STAB2: variants seen among roughly 807,000 people sequenced by gnomAD.
STAB2 encodes the protein stabilin-2.
STAB2 carries 288 observed loss-of-function variants against 338.1 expected under a neutral mutation model. That is an observed-to-expected ratio of 0.85 (90% CI 0.77 to 0.94). The LOEUF is 0.94. STAB2 is among the 40% of genes least tolerant of loss of function. The pLI, the probability that STAB2 is intolerant of heterozygous loss-of-function variation, is 0.00. For synonymous variants in STAB2, 1,202 were observed against 1,193.3 expected, an observed-to-expected ratio of 1.01 and a Z score of -0.15; for missense variants, 3,141 against 3,210.1, an observed-to-expected ratio of 0.98 and a Z score of 0.52.
intron 33 of STAB2, among the ~76,000 whole-genome samples, chr12:103,698,038 A>G (rs1327303629): frequency 6.6e-6 from 1 of 152,168 alleles, no homozygotes; most frequent in South Asian, 2.1e-4. Flanking sequence ...GAAACTGCCA[A>G]CCAGATTCAG....
intron 42 of STAB2, 128 bp downstream of exon 42, chr12:103,713,896 G>A: frequency 1.4e-6 from 2 of 1,461,134 alleles, no homozygotes; most frequent in Non-Finnish European, 1.8e-6. Flanking sequence ...GCCAGGGCAG[G>A]AAAGTATAAG....
chr12:103,625,013 G>A (rs1009935722), intron 5 of STAB2, among the ~76,000 whole-genome samples: 5 of 150,912 alleles, frequency 3.3e-5, no homozygotes, highest in Middle Eastern at 3.6e-3. Context: ...TTAAAGGACA[G>A]CAACTAAAAT....
rs1879406218 is a variant in STAB2, at chr12:103,706,849, G to A, written c.4054G>A (p.Ala1352Thr). Residue 1352 changes from alanine (A) to threonine (T), a missense_variant, in exon 38 of 69, where the codon GCC becomes ACC. Coordinates refer to ENST00000388887, the MANE Select transcript of STAB2 (RefSeq NM_017564.10). ...CCAATGCCAGCCCTGCCCAGGGAAT[G>A]CCCAGAATGTCTGCTTTGGTAATGG... ...GPQCQPCPGN[A>T]QNVCFGNGIC... The A allele has an allele frequency of 6.2e-7, 1 of 1,614,258 alleles. No homozygotes were observed. Among genetic ancestry groups the A allele is most frequent in the Non-Finnish European group, 8.5e-7 (1 of 1,180,044 alleles).
At position 103,753,313 on chromosome 12, in the gene STAB2, C is replaced by A. The variant is rs201865716; in HGVS notation, c.6674C>A (p.Ala2225Glu). Residue 2225 changes from alanine to glutamate, a missense_variant, in exon 61 of 69, where the codon GCG (alanine) becomes GAG (glutamate). Coordinates refer to ENST00000388887, the MANE Select transcript of STAB2 (RefSeq NM_017564.10). ...KAREACANEA[A>E]TMATYNQLSY... Reference sequence around the variant, plus strand: ...AGAGAGGCCTGTGCCAACGAAGCTGCGACCATGGCAACCTACAACCAGCTC... The same window carrying A: ...AGAGAGGCCTGTGCCAACGAAGCTGAGACCATGGCAACCTACAACCAGCTC... 1.9e-6 allele frequency: 3 copies of A among 1,614,232 alleles called. No homozygotes were observed. Among genetic ancestry groups the A allele is most frequent in the Admixed American group, 3.3e-5 (2 of 60,032 alleles).
At chr12:103,735,173 C>A (rs764690723) in intron 51 of STAB2, among the ~76,000 whole-genome samples, 1 of 152,128 alleles carries the variant, frequency 6.6e-6, no homozygotes, top group Non-Finnish European at 1.5e-5. Flanking sequence ...CATTTCCCAG[C>A]CTCACCCACT....
At position 103,761,497 on chromosome 12, in the gene STAB2, CTCCTCCCTCT is replaced by C. The variant is rs1884538021; in HGVS notation, c.7359+94_7359+103del. On this transcript the variant is annotated intron_variant, in intron 66 of 68. Transcript: ENST00000388887. ...GCAAACCATTACCAGAAGCCCTGTC[CTCCTCCCTCT>C]TCCTCCAGAGACTGGAGGAGCCTCC... is the stretch of plus-strand genomic sequence containing the variant. 4 of 1,195,950 alleles carry C rather than the reference CTCCTCCCTCT, an allele frequency of 3.3e-6. No homozygotes were observed. In the Admixed American group the frequency reaches 7.6e-5, roughly 23 times the overall value. The allele number at this position is 1,195,950 out of a possible 1,614,324, so 74.1% of individuals were successfully genotyped here. A position where few individuals can be genotyped will look rare whatever the true frequency, so the allele number is the denominator to read the frequency against.
At chr12:103,653,840 GTGGATGGATGGA>G (rs148948039) in intron 12 of STAB2, among the ~76,000 whole-genome samples, 11 of 139,192 alleles carry the variant, frequency 7.9e-5, no homozygotes, top group East Asian at 2.2e-4. Flanking sequence ...CACCGGATGG[GTGGATGGATGGA>G]TGGATGGATG....
chr12:103,707,120 ATCAC>A, intron 38 of STAB2, 133 bp downstream of exon 38: 1 of 868,440 alleles, frequency 1.2e-6, no homozygotes, highest in Admixed American at 2.7e-5. Context: ...ACCTGCTACT[ATCAC>A]TGTGAATTAT....
intron 40 of STAB2, 41 bp downstream of exon 40, chr12:103,711,557 GA>G: frequency 6.2e-7 from 1 of 1,609,054 alleles, no homozygotes; most frequent in South Asian, 1.1e-5. Flanking sequence ...GTGTAAAGGG[GA>G]TTTTTTCCCA....
intron 3 of STAB2, among the ~76,000 whole-genome samples, chr12:103,604,417 A>G (rs1241615600): frequency 6.6e-6 from 1 of 152,048 alleles, no homozygotes; most frequent in African/African-American, 2.4e-5. Context: ...ATTACCTGGA[A>G]GAGTTTTTGT....
intron 23 of STAB2, among the ~76,000 whole-genome samples, chr12:103,675,180 T>TG (rs1876220099): frequency 6.6e-6 from 1 of 152,204 alleles, no homozygotes; most frequent in African/African-American, 2.4e-5. Context: ...CAGTAAGACC[T>TG]GGGGGTACAA....
rs1040757929 is a variant in STAB2, at chr12:103,668,789, A to T, written c.2172+60A>T. On this transcript the variant is annotated intron_variant, in intron 20 of 68. Transcript: ENST00000388887. The stretch of plus-strand genomic sequence containing the variant: ...AGTAGGGCCAGGCAGCTCCAGGGCC[A>T]TGCTCTTGGGTCCTAGGGTCCACGT... The T allele has an allele frequency of 4.8e-6, 7 of 1,446,714 alleles. No individual in the cohort carries two copies. In the African/African-American group the frequency reaches 9.9e-5, roughly 20 times the overall value. 89.6% of individuals were successfully genotyped at this position (1,446,714 alleles called of 1,614,324 possible).
intron 3 of STAB2, among the ~76,000 whole-genome samples, chr12:103,606,629 C>T (rs1378037634): frequency 6.6e-6 from 1 of 152,086 alleles, no homozygotes; most frequent in East Asian, 1.9e-4. Flanking sequence ...TTTAAGTTGA[C>T]AATTTTTTTG....
Position 103,704,214 on chromosome 12 carries a change from C to T in STAB2, c.3844-344C>T, listed in dbSNP as rs150378292. 4.7e-3 allele frequency among the ~76,000 whole-genome samples: 721 copies of T among 152,312 alleles called. 2 individuals carry two copies. The highest frequency in any genetic ancestry group is 0.015 in the South Asian group (72 of 4,816). On this transcript the variant is annotated intron_variant, in intron 35 of 68. Coordinates refer to ENST00000388887, the MANE Select transcript of STAB2 (RefSeq NM_017564.10). The stretch of plus-strand genomic sequence containing the variant: ...AACCCCTCATCTTAGCAATGTGCTC[C>T]GAAGCTGGGCACTGGGTACAGTAAC...
Position 103,740,829 on chromosome 12 carries a change from T to C in STAB2, c.5881+73T>C, listed in dbSNP as rs1882527226. ...TCCTGCTCGTTGTCCAGTCTTTGAA[T>C]GTACCAAAATTATAGGGGGATGGGG... On this transcript the variant is annotated intron_variant, in intron 55 of 68. Transcript: ENST00000388887. The C allele has an allele frequency of 2.7e-6, 4 of 1,483,148 alleles. No homozygotes were observed. In the Admixed American group the frequency reaches 7.9e-5, roughly 29 times the overall value. The allele number at this position is 1,483,148 out of a possible 1,614,324, so 91.9% of individuals were successfully genotyped here. A position where few individuals can be genotyped will look rare whatever the true frequency, so the allele number is the denominator to read the frequency against.
At chr12:103,604,331 T>C (rs919717542) in intron 3 of STAB2, among the ~76,000 whole-genome samples, 3 of 152,114 alleles carry the variant, frequency 2.0e-5, no homozygotes, top group Non-Finnish European at 4.4e-5. Context: ...TTTTCTTTTC[T>C]TGTTATGTAT....
chr12:103,647,172 G>GTCAGGGTAGAACATATGGGCAT (rs1281668729), intron 9 of STAB2, among the ~76,000 whole-genome samples: 7 of 152,190 alleles, frequency 4.6e-5, no homozygotes, highest in Non-Finnish European at 1.0e-4. Context: ...ATGAAAAACA[G>GTCAGGGTAGAACATATGGGCAT]ATTTCAGGGT....
chr12:103,631,073 C>A (rs1957452924), intron 5 of STAB2, among the ~76,000 whole-genome samples: 1 of 152,136 alleles, frequency 6.6e-6, no homozygotes, highest in Admixed American at 6.5e-5. Context: ...ATTTATCATC[C>A]CTGAAATGAT....
In STAB2 at chr12:103,740,657, C is replaced by G; in HGVS notation, c.5782C>G (p.Leu1928Val). ...TGTGAAGCAGAAGTGTCTCTACAAC[C>G]TGCCCTTCAAGAGGAACCTGGAAGG... ...KGVKQKCLYN[L>V]PFKRNLEGCR... is the part of the protein sequence containing the mutation. Residue 1928 changes from leucine (L) to valine (V), a missense_variant, in exon 55 of 69, where the codon CTG becomes GTG. Physicochemically the swap from Leu to Val is conservative, Grantham distance 32. Transcript: ENST00000388887. The G allele has an allele frequency of 6.2e-7, 1 of 1,612,276 alleles. No individual in the cohort carries two copies. The highest frequency in any genetic ancestry group is 8.5e-7 in the Non-Finnish European group (1 of 1,179,314).
Sources: allele counts gnomAD v4.1 joint callset (sites outside exome capture counted in the v4.1 genomes callset), GRCh38; gene constraint gnomAD v4.1.1; transcripts MANE v1.5; gene names NCBI Gene and HGNC (gene_info 2026-07-23, HGNC 2026-07-21).